PRKAG2: variants seen among roughly 807,000 people sequenced by gnomAD.
PRKAG2 encodes 5'-AMP-activated protein kinase subunit gamma-2.
In PRKAG2, 26 loss-of-function variants were observed where a neutral mutation model predicts 69.6. The observed-to-expected ratio is 0.37, with a 90% CI of 0.27 to 0.52. The LOEUF (loss-of-function observed/expected upper bound fraction) is 0.52, where lower values mean the gene tolerates loss of function less well. Among genes scored for constraint, PRKAG2 ranks in the 20% least tolerant of loss-of-function variants. The pLI is 0.90. For missense variants in PRKAG2, 557 were observed against 740.0 expected (o/e 0.75, Z 2.87); for synonymous variants, 293 against 285.0 (o/e 1.03, Z -0.28).
At chr7:151,592,780 G>A (rs1239380537) in intron 6 of PRKAG2, among the ~76,000 whole-genome samples, 2 of 152,132 alleles carry the variant, frequency 1.3e-5, no homozygotes, top group African/African-American at 2.4e-5. Context: ...TGGTCTCTTA[G>A]GTTGTTTTGG....
Position 151,777,294 on chromosome 7 carries a change from G to C in PRKAG2, c.466+3858C>G, listed in dbSNP as rs894490537. On this transcript the variant is annotated intron_variant, in intron 3 of 15. Coordinates refer to ENST00000287878, the MANE Select transcript of PRKAG2 (RefSeq NM_016203.4). The surrounding 1 kb of genome is among the most constrained non-coding windows in gnomAD (Gnocchi z 4.3). ...CTCACTGTGAGCACAGTGTCTGCTG[G>C]GACCCGCTGAGATCCAGAGGGGCTG... Among the ~76,000 whole-genome samples, 3 of 152,216 alleles carry C rather than the reference G, an allele frequency of 2.0e-5. No homozygotes were observed. Among genetic ancestry groups the C allele is most frequent in the Non-Finnish European group, 4.4e-5 (3 of 68,026 alleles).
intron 7 of PRKAG2, among the ~76,000 whole-genome samples, chr7:151,576,009 TCTCGCTCTGTCACCCAGG>T (rs1808846794): frequency 7.0e-6 from 1 of 142,368 alleles, no homozygotes; most frequent in Non-Finnish European, 1.5e-5. Flanking sequence ...TTTGACAGGG[TCTCGCTCTGTCACCCAGG>T]CTGGAGTACA....
At chr7:151,813,320 A>C (rs4632971) in intron 1 of PRKAG2, among the ~76,000 whole-genome samples, 55,748 of 151,620 alleles carry the variant, frequency 0.37, 10,589 homozygotes, top group South Asian at 0.57. Flanking sequence ...ATTGTTTACT[A>C]TCACCTTTGC....
At chr7:151,768,135 A>G (rs1403067177) in intron 3 of PRKAG2, among the ~76,000 whole-genome samples, 1 of 152,206 alleles carries the variant, frequency 6.6e-6, no homozygotes, top group East Asian at 1.9e-4. Flanking sequence ...AGGGTTCTAG[A>G]AAGGAACTAT....
At chr7:151,716,870 T>A (rs1015087117) in intron 3 of PRKAG2, among the ~76,000 whole-genome samples, 1 of 152,154 alleles carries the variant, frequency 6.6e-6, no homozygotes, top group African/African-American at 2.4e-5. Flanking sequence ...ACCTTCAGCT[T>A]CCAGAGCGTT....
At chr7:151,825,882 G>A (rs2078894299) in intron 1 of PRKAG2, among the ~76,000 whole-genome samples, 1 of 152,060 alleles carries the variant, frequency 6.6e-6, no homozygotes, top group African/African-American at 2.4e-5. Flanking sequence ...CCCTTTCCTG[G>A]CCCCAATTGC....
rs1449491838 is a variant in PRKAG2, at chr7:151,668,927, G to A, written c.684+6493C>T. 2.0e-5 allele frequency among the ~76,000 whole-genome samples: 3 copies of A among 152,232 alleles called. No individual in the cohort carries two copies. In the East Asian group the frequency reaches 5.8e-4, roughly 29 times the overall value. On this transcript the variant is annotated intron_variant, in intron 4 of 15. Coordinates refer to ENST00000287878, the MANE Select transcript of PRKAG2 (RefSeq NM_016203.4). ...GATGGGGAGCATGGGAGTGACTGCT[G>A]TGGAAGGAAATTGGAAAAGCGCTGA...
In PRKAG2 at chr7:151,583,274, A is replaced by G. The variant is rs1423307525; in HGVS notation, c.865-6822T>C. The stretch of plus-strand genomic sequence containing the variant: ...AGGCCTCAAGTGATCCTCCTGCTTC[A>G]GCCTCCCAAAGTGCTGGGATGAAAG... On this transcript the variant is annotated intron_variant, in intron 6 of 15. Transcript: ENST00000287878. The surrounding 1 kb of genome is among the most constrained non-coding windows in gnomAD (Gnocchi z 4.1). Among the ~76,000 whole-genome samples, 13 of 152,134 alleles carry G rather than the reference A, an allele frequency of 8.5e-5. No homozygotes were observed. The highest frequency in any genetic ancestry group is 8.5e-4 in the Admixed American group (13 of 15,282).
intron 1 of PRKAG2, among the ~76,000 whole-genome samples, chr7:151,824,636 C>T (rs1349299161): frequency 6.6e-6 from 1 of 152,130 alleles, no homozygotes; most frequent in East Asian, 1.9e-4. Flanking sequence ...TGACACCTCT[C>T]TCCTGCTCCT....
chr7:151,603,545 GC>G (rs2151179058), intron 5 of PRKAG2, among the ~76,000 whole-genome samples: 1 of 122,162 alleles, frequency 8.2e-6, no homozygotes, highest in South Asian at 3.1e-4. Flanking sequence ...GGAGGCACCC[GC>G]TCCGTCCTCA....
At chr7:151,855,851 C>T (rs1255718002) in intron 1 of PRKAG2, among the ~76,000 whole-genome samples, 17 of 152,218 alleles carry the variant, frequency 1.1e-4, no homozygotes, top group Non-Finnish European at 2.5e-4. Context: ...CTCGCTTAGG[C>T]GAAAGCTGAG....
intron 5 of PRKAG2, among the ~76,000 whole-genome samples, chr7:151,625,834 T>C (rs1244695073): frequency 1.3e-5 from 2 of 151,998 alleles, no homozygotes; most frequent in Non-Finnish European, 2.9e-5. Context: ...ATCTGAGCCG[T>C]GGAGGAGGGC....
chr7:151,637,721 T>TTTC (rs1207075579), intron 4 of PRKAG2, among the ~76,000 whole-genome samples: 2 of 151,958 alleles, frequency 1.3e-5, no homozygotes, highest in Non-Finnish European at 2.9e-5. Context: ...TTTTTTTTTT[T>TTTC]TTATAACACA....
At position 151,821,220 on chromosome 7, in the gene PRKAG2, C is replaced by T. The variant is rs916325192; in HGVS notation, c.115-34679G>A. Among the ~76,000 whole-genome samples, 75 of 152,312 alleles carry T rather than the reference C, an allele frequency of 4.9e-4. 1 individual carries two copies. The highest frequency in any genetic ancestry group is 1.8e-3 in the African/African-American group (73 of 41,570). On this transcript the variant is annotated intron_variant, in intron 1 of 15. Coordinates refer to ENST00000287878, the MANE Select transcript of PRKAG2 (RefSeq NM_016203.4). ...AGACTGAAGCTAAGATAAGCAAGAT[C>T]AGGTAAAAATCAGAGGCACTGAAGG...
chr7:151,862,759 AGCACTGGTAGGTCCCCAAGTGCAGGGG>A (rs1396971075), intron 1 of PRKAG2, among the ~76,000 whole-genome samples: 2 of 152,164 alleles, frequency 1.3e-5, no homozygotes, highest in African/African-American at 4.8e-5. Flanking sequence ...AGGCGCAGGG[AGCACTGGTAGGTCCCCAAGTGCAGGGG>A]GCACTGGTAG....
At chr7:151,727,464 A>C (rs1798174275) in intron 3 of PRKAG2, among the ~76,000 whole-genome samples, 1 of 152,272 alleles carries the variant, frequency 6.6e-6, no homozygotes, top group South Asian at 2.1e-4. Context: ...AGGAGACCAG[A>C]GCTGGGGTGC....
chr7:151,839,674 C>T (rs1044307610), intron 1 of PRKAG2, among the ~76,000 whole-genome samples: 15 of 152,222 alleles, frequency 9.9e-5, no homozygotes, highest in African/African-American at 2.9e-4. Flanking sequence ...AGGGAAGAAA[C>T]GCCAGGGACA....
chr7:151,576,198 C>T, intron 7 of PRKAG2, 173 bp downstream of exon 7: 1 of 708,572 alleles, frequency 1.4e-6, no homozygotes, highest in South Asian at 1.6e-5. Flanking sequence ...GCCTTGGCCT[C>T]CCAAAGTGCT....
rs994341625 is a variant in PRKAG2 at position 151,684,360 on chromosome 7, G to A, written c.467-8723C>T. Among the ~76,000 whole-genome samples the A allele has an allele frequency of 9.2e-5, 14 of 152,158 alleles. No individual in the cohort carries two copies. In the East Asian group the frequency reaches 1.9e-3, roughly 21 times the overall value. On this transcript the variant is annotated intron_variant, in intron 3 of 15. Transcript: ENST00000287878. Reference sequence around the variant, plus strand: ...ACCAGGATAAGGACTGGCCAGCACCGTGGAAGCAGCTGAGCTCTGGGGCCA... The same window carrying A: ...ACCAGGATAAGGACTGGCCAGCACCATGGAAGCAGCTGAGCTCTGGGGCCA...
Sources: allele counts gnomAD v4.1 joint callset (sites outside exome capture counted in the v4.1 genomes callset), GRCh38; gene constraint gnomAD v4.1.1; non-coding constraint Gnocchi (gnomAD v3.1); transcripts MANE v1.5; gene names NCBI Gene and HGNC (gene_info 2026-07-23, HGNC 2026-07-21).